The following SORCS1 variants were observed in gnomAD, a reference collection of about 807,000 sequenced individuals.
SORCS1 encodes the protein VPS10 domain-containing receptor SorCS1.
A neutral mutation model predicts 146.1 loss-of-function variants in SORCS1; 60 were observed. The ratio of observed to expected loss-of-function variants is 0.41; its 90% CI spans 0.33 to 0.51. SORCS1 has a LOEUF of 0.51. Ranked by LOEUF, SORCS1 falls within the 20% of genes least tolerant of loss-of-function variation. The pLI is 0.21. For missense variants in SORCS1, 1,352 were observed against 1,487.6 expected (o/e 0.91, Z 1.50); for synonymous variants, 637 against 584.0 (o/e 1.09, Z -1.31).
chr10:106,748,595 T>C (rs1381962137), intron 5 of SORCS1, among the ~76,000 whole-genome samples: 1 of 146,614 alleles, frequency 6.8e-6, no homozygotes, highest in Admixed American at 6.7e-5. Context: ...GATATACCTG[T>C]AGTTTAATTG....
chr10:106,807,558 A>T (rs911097815), intron 3 of SORCS1, among the ~76,000 whole-genome samples: 2 of 152,180 alleles, frequency 1.3e-5, no homozygotes, highest in African/African-American at 4.8e-5. Context: ...CTGAGATGTA[A>T]AACAAAGGCC....
chr10:106,813,510 AAG>A (rs1947582233), intron 3 of SORCS1, among the ~76,000 whole-genome samples: 1 of 152,204 alleles, frequency 6.6e-6, no homozygotes, highest in African/African-American at 2.4e-5. Context: ...GTTGTGAGTA[AAG>A]AGAGGCAGCT....
At position 106,829,616 on chromosome 10, in the gene SORCS1, G is replaced by T. The variant is rs1341340745; in HGVS notation, c.684C>A (p.Thr228=). 1.2e-6 allele frequency: 2 copies of T among 1,607,320 alleles called. No homozygotes were observed. The highest frequency in any genetic ancestry group is 1.7e-6 in the Non-Finnish European group (2 of 1,174,856). Residue 228 remains threonine (T), a synonymous_variant, in exon 3 of 26, where the codon ACC becomes ACA. Transcript: ENST00000263054. ...GACACACATAGAGATAGCTCAAAAT[G>T]GTTTTCAAACCAACTTTATCATTCA... ...EKLNDKVGLK[T]ILSYLYVCPT...
chr10:106,855,274 C>A (rs959470726), intron 2 of SORCS1, among the ~76,000 whole-genome samples: 3 of 152,138 alleles, frequency 2.0e-5, no homozygotes, highest in African/African-American at 7.2e-5. Flanking sequence ...AGGTGTTCCC[C>A]ATTCTGCCTT....
intron 9 of SORCS1, among the ~76,000 whole-genome samples, chr10:106,696,249 C>T (rs904529369): frequency 2.6e-5 from 4 of 152,210 alleles, no homozygotes; most frequent in African/African-American, 7.2e-5. Flanking sequence ...CTCATCTTTG[C>T]TCCTTAGTAA....
intron 1 of SORCS1, among the ~76,000 whole-genome samples, chr10:107,119,865 T>C (rs886755350): frequency 1.3e-5 from 2 of 152,118 alleles, no homozygotes; most frequent in Non-Finnish European, 2.9e-5. Context: ...ATCCAAAAAA[T>C]GGAGTGGTAG....
intron 8 of SORCS1, among the ~76,000 whole-genome samples, chr10:106,702,643 T>C (rs1420539584): frequency 1.3e-5 from 2 of 152,258 alleles, no homozygotes. Context: ...TTTCATGTAA[T>C]TATGTTGTAC....
chr10:106,804,937 G>C (rs150053512), intron 3 of SORCS1, among the ~76,000 whole-genome samples: 1 of 152,162 alleles, frequency 6.6e-6, no homozygotes, highest in African/African-American at 2.4e-5. Context: ...TGGTTATTCA[G>C]TATTTTCAGA....
intron 3 of SORCS1, among the ~76,000 whole-genome samples, chr10:106,811,626 G>C (rs1218619440): frequency 1.3e-5 from 2 of 152,116 alleles, no homozygotes; most frequent in Non-Finnish European, 2.9e-5. Context: ...TCCCTTGAAA[G>C]GCAACTGGGC....
intron 1 of SORCS1, among the ~76,000 whole-genome samples, chr10:107,110,050 ATT>A (rs1215460654): frequency 6.6e-6 from 1 of 152,144 alleles, no homozygotes; most frequent in Non-Finnish European, 1.5e-5. Flanking sequence ...AAAGCTCCTA[ATT>A]TCCATCTGAA....
chr10:106,896,380 G>T (rs946575789), intron 2 of SORCS1, among the ~76,000 whole-genome samples: 5 of 145,780 alleles, frequency 3.4e-5, no homozygotes, highest in African/African-American at 1.3e-4. Context: ...AGTGAGCCAA[G>T]ATTGCGCCAC....
chr10:106,633,213 G>A (rs1848537152), intron 18 of SORCS1, among the ~76,000 whole-genome samples: 1 of 151,968 alleles, frequency 6.6e-6, no homozygotes, highest in Non-Finnish European at 1.5e-5. Flanking sequence ...CATATTTATG[G>A]GGGTATATGT....
chr10:106,701,669 C>A (rs934957127), intron 8 of SORCS1, among the ~76,000 whole-genome samples: 2 of 152,106 alleles, frequency 1.3e-5, no homozygotes, highest in African/African-American at 2.4e-5. Context: ...CTCATCCCAC[C>A]GCCAGACTTT....
intron 17 of SORCS1, among the ~76,000 whole-genome samples, chr10:106,658,173 C>T (rs2135336621): frequency 6.6e-6 from 1 of 152,048 alleles, no homozygotes; most frequent in Admixed American, 6.6e-5. Context: ...ACGACCTGAC[C>T]TCAATGCATT....
chr10:106,626,979 A>G (rs571142122), intron 19 of SORCS1, among the ~76,000 whole-genome samples: 3 of 152,360 alleles, frequency 2.0e-5, no homozygotes, highest in East Asian at 3.9e-4. Context: ...TCTAAGGTTA[A>G]GGTCAAATAT....
chr10:106,801,580 G>C (rs530225808), intron 3 of SORCS1, among the ~76,000 whole-genome samples: 5 of 145,564 alleles, frequency 3.4e-5, no homozygotes, highest in South Asian at 2.2e-4. Context: ...CCAGGCTGGA[G>C]TGCAGTGGTG....
chr10:106,916,132 G>C (rs1408835517), intron 2 of SORCS1, among the ~76,000 whole-genome samples: 1 of 152,106 alleles, frequency 6.6e-6, no homozygotes, highest in Non-Finnish European at 1.5e-5. Flanking sequence ...TAAAGATAAA[G>C]ATCTGCACAT....
chr10:106,717,230 G>T (rs558612627), intron 6 of SORCS1, among the ~76,000 whole-genome samples: 9 of 152,236 alleles, frequency 5.9e-5, no homozygotes, highest in African/African-American at 2.2e-4. Flanking sequence ...TTTTCCTTTT[G>T]TTCTACTGCT....
intron 18 of SORCS1, among the ~76,000 whole-genome samples, chr10:106,631,252 A>T (rs1403903560): frequency 1.3e-5 from 2 of 152,226 alleles, no homozygotes; most frequent in Non-Finnish European, 2.9e-5. Flanking sequence ...ATTCTCCCCT[A>T]GGGTAAACAG....
Sources: allele counts gnomAD v4.1 joint callset (sites outside exome capture counted in the v4.1 genomes callset), GRCh38; gene constraint gnomAD v4.1.1; transcripts MANE v1.5; gene names NCBI Gene and HGNC (gene_info 2026-07-23, HGNC 2026-07-21).